Variants in TCP11L1 observed in about 807,000 individuals in gnomAD.
TCP11L1 encodes the protein t-complex 11 like 1.
A neutral mutation model predicts 48.9 loss-of-function variants in TCP11L1; 28 were observed. The ratio of observed to expected loss-of-function variants is 0.57; its 90% confidence interval spans 0.42 to 0.78. TCP11L1 has a LOEUF of 0.78. TCP11L1 is among the 30% of genes least tolerant of loss of function. The pLI is 0.00. For synonymous variants in TCP11L1, 204 were observed against 231.9 expected (o/e 0.88, Z 1.09); for missense variants, 505 against 613.4 (o/e 0.82, Z 1.87).
rs369323363 is a variant in TCP11L1, at chr11:33,050,282, C to T, written c.164-4311C>T. Among the ~76,000 whole-genome samples the T allele has an allele frequency of 2.6e-5, 4 of 152,270 alleles. No homozygotes were observed. In the East Asian group the frequency reaches 5.8e-4, roughly 22 times the overall value. ...GTAGCAGTCTGATCTCTCTTTTCCC[C>T]ACAATTTTTTGCAAAAGCAAGGTTA... is the stretch of plus-strand genomic sequence containing the variant. On this transcript the variant is annotated intron_variant, in intron 2 of 9. Coordinates refer to ENST00000334274, the MANE Select transcript of TCP11L1 (RefSeq NM_018393.4).
chr11:33,058,913 A>G lies in TCP11L1; in HGVS notation c.639-46A>G, dbSNP rs760623162. 9 of 1,601,118 alleles carry G rather than the reference A, an allele frequency of 5.6e-6. No homozygotes were observed. In the East Asian group the frequency reaches 6.7e-5, roughly 12 times the overall value. ...TCTGGTCCTCTTTTCCTTTAATGCT[A>G]TGTTTACTTTACAAATGCTTGCTTC... On this transcript the variant is annotated intron_variant, in intron 5 of 9. Coordinates refer to ENST00000334274, the MANE Select transcript of TCP11L1 (RefSeq NM_018393.4).
intron 2 of TCP11L1, chr11:33,044,137 T>C (rs969366105): frequency 3.7e-5 from 18 of 492,434 alleles, no homozygotes; most frequent in Non-Finnish European, 5.6e-5. Context: ...ATTAACAATT[T>C]AGAATAATGT....
intron 2 of TCP11L1, among the ~76,000 whole-genome samples, chr11:33,052,241 T>TA (rs1277710264): frequency 6.6e-6 from 1 of 152,156 alleles, no homozygotes; most frequent in African/African-American, 2.4e-5. Context: ...ACTTAAAAGT[T>TA]AAAAAAAATT....
chr11:33,048,058 A>G (rs1020477420), intron 2 of TCP11L1, among the ~76,000 whole-genome samples: 7 of 152,310 alleles, frequency 4.6e-5, no homozygotes, highest in Admixed American at 2.0e-4. Context: ...TTAACCTAAT[A>G]TGGTTTTCAG....
intron 4 of TCP11L1, 98 bp downstream of exon 4, chr11:33,057,333 A>G (rs1854339709): frequency 6.4e-7 from 1 of 1,557,024 alleles, no homozygotes; most frequent in Admixed American, 1.8e-5. Flanking sequence ...AAATTGAAGG[A>G]TCAAGAAGTT....
At chr11:33,064,730 A>T (rs572047794) in intron 7 of TCP11L1, among the ~76,000 whole-genome samples, 2 of 152,228 alleles carry the variant, frequency 1.3e-5, no homozygotes, top group African/African-American at 4.8e-5. Context: ...ACCAAGATGA[A>T]TAAGTGTAGG....
chr11:33,043,462 T>G (rs1256556750), intron 1 of TCP11L1, among the ~76,000 whole-genome samples: 1 of 152,240 alleles, frequency 6.6e-6, no homozygotes, highest in African/African-American at 2.4e-5. Flanking sequence ...TCTAATAGTT[T>G]AAGGCCCTGT....
intron 6 of TCP11L1, among the ~76,000 whole-genome samples, chr11:33,061,175 C>T (rs535747210): frequency 7.2e-5 from 11 of 152,050 alleles, no homozygotes; most frequent in Admixed American, 7.2e-4. Flanking sequence ...AGGCTGGTCT[C>T]GAACTCCTGG....
intron 2 of TCP11L1, among the ~76,000 whole-genome samples, chr11:33,048,799 C>T (rs558229463): frequency 2.0e-5 from 3 of 152,254 alleles, no homozygotes; most frequent in African/African-American, 7.2e-5. Flanking sequence ...TATGGAGAAA[C>T]ACTGACCCTG....
intron 7 of TCP11L1, 93 bp from the exon 8 acceptor site, chr11:33,065,737 C>T (rs1854595929): frequency 1.4e-6 from 2 of 1,388,850 alleles, no homozygotes; most frequent in African/African-American, 1.4e-5. Flanking sequence ...CTGAGGGAAG[C>T]TGCAGAGGCA....
intron 8 of TCP11L1, among the ~76,000 whole-genome samples, 159 bp downstream of exon 8, chr11:33,066,170 C>G (rs1203352329): frequency 6.6e-6 from 1 of 152,068 alleles, no homozygotes; most frequent in Admixed American, 6.6e-5. Flanking sequence ...GGCGAAGACC[C>G]CAGCAGAGTT....
chr11:33,054,684 T>C lies in TCP11L1; in HGVS notation c.255T>C (p.Asn85=). The C allele has an allele frequency of 6.2e-7, 1 of 1,613,978 alleles. No individual in the cohort carries two copies. Among genetic ancestry groups the C allele is most frequent in the Non-Finnish European group, 8.5e-7 (1 of 1,179,962 alleles). Residue 85 remains asparagine, a synonymous_variant, in exon 3 of 10, where the codon AAT becomes AAC. Transcript: ENST00000334274. The part of the protein sequence containing the change: ...NMALAHEIVV[N]GDFQIKPVEL... ...CTCTAGCCCATGAAATTGTAGTAAATGGAGACTTTCAGATTAAACCAGTTG... is the reference window on the plus strand; with the variant it reads ...CTCTAGCCCATGAAATTGTAGTAAACGGAGACTTTCAGATTAAACCAGTTG...
chr11:33,055,996 G>A (rs1165142917), intron 3 of TCP11L1, among the ~76,000 whole-genome samples: 1 of 151,436 alleles, frequency 6.6e-6, no homozygotes, highest in Non-Finnish European at 1.5e-5. Context: ...TTTTGTATTT[G>A]TAGTAGAGAC....
intron 7 of TCP11L1, among the ~76,000 whole-genome samples, chr11:33,063,194 T>G (rs1200235649): frequency 6.6e-6 from 1 of 152,220 alleles, no homozygotes; most frequent in African/African-American, 2.4e-5. Flanking sequence ...ATAATATATT[T>G]TACTGTATGG....
intron 1 of TCP11L1, among the ~76,000 whole-genome samples, chr11:33,042,805 C>T (rs1003188357): frequency 6.6e-6 from 1 of 150,600 alleles, no homozygotes; most frequent in Non-Finnish European, 1.5e-5. Flanking sequence ...CAGTGGCTCA[C>T]GCCTGTAATC....
intron 1 of TCP11L1, among the ~76,000 whole-genome samples, chr11:33,041,525 C>T (rs1356938861): frequency 3.3e-5 from 5 of 151,878 alleles, no homozygotes; most frequent in Non-Finnish European, 7.4e-5. Context: ...CTGAGGCGGG[C>T]GGATCACTAG....
chr11:33,057,499 A>C (rs771650057), intron 4 of TCP11L1, among the ~76,000 whole-genome samples: 1 of 152,272 alleles, frequency 6.6e-6, no homozygotes, highest in Non-Finnish European at 1.5e-5. Flanking sequence ...AGGTGTGGAC[A>C]CATTCCATTT....
Position 33,043,942 on chromosome 11 carries a change from C to A in TCP11L1, c.163+6C>A. 6.3e-7 allele frequency: 1 copy of A among 1,583,628 alleles called. No homozygotes were observed. The highest frequency in any genetic ancestry group is 8.5e-7 in the Non-Finnish European group (1 of 1,169,904). ...AAGAGTGCAGAGACCTCACTGTAAG[C>A]AAATTTGACTTTGGTTAGATGCAAT... On this transcript the variant is annotated splice_donor_region_variant and intron_variant, in intron 2 of 9. Transcript: ENST00000334274.
chr11:33,043,656 A>G (rs1049170239), intron 1 of TCP11L1, 94 bp from the exon 2 acceptor site: 5 of 1,081,794 alleles, frequency 4.6e-6, no homozygotes, highest in Non-Finnish European at 5.2e-6. Flanking sequence ...ACTGAAACCC[A>G]AAGAGGTTAA....
Sources: allele counts gnomAD v4.1 joint callset (sites outside exome capture counted in the v4.1 genomes callset), GRCh38; gene constraint gnomAD v4.1.1; transcripts MANE v1.5; gene names NCBI Gene and HGNC (gene_info 2026-07-23, HGNC 2026-07-21).